The following GRIA1 variants were observed in gnomAD, a reference collection of about 807,000 sequenced individuals.
The protein encoded by GRIA1 is glutamate ionotropic receptor AMPA type subunit 1, also known as glutamate receptor 1.
Under a neutral mutation model 99.2 loss-of-function variants are expected in GRIA1, and 31 were observed. That is an observed-to-expected ratio of 0.31 (90% confidence interval 0.23 to 0.42). The LOEUF (loss-of-function observed/expected upper bound fraction) is 0.42. GRIA1 is among the 10% of genes least tolerant of loss of function. GRIA1 has a pLI of 1.00. For missense variants in GRIA1, 782 were observed against 1,157.5 expected, an observed-to-expected ratio of 0.68 and a Z score of 4.71; for synonymous variants, 438 against 432.4, an observed-to-expected ratio of 1.01 and a Z score of -0.16.
At chr5:153,733,182 A>T (rs146371668) in intron 11 of GRIA1, among the ~76,000 whole-genome samples, 2 of 152,114 alleles carry the variant, frequency 1.3e-5, no homozygotes, top group African/African-American at 4.8e-5. Context: ...AAACATAGGA[A>T]TTGTGACATC....
At chr5:153,766,858 G>T (rs11749611) in intron 12 of GRIA1, among the ~76,000 whole-genome samples, 2 of 151,990 alleles carry the variant, frequency 1.3e-5, no homozygotes, top group Non-Finnish European at 2.9e-5. Context: ...CACTACGTCA[G>T]TTGACATATT....
chr5:153,648,948 G>T (rs1391923669), intron 3 of GRIA1, among the ~76,000 whole-genome samples: 10 of 152,016 alleles, frequency 6.6e-5, no homozygotes, highest in Non-Finnish European at 1.5e-4. Flanking sequence ...CTAAACTATT[G>T]ACCTTTAATA....
At chr5:153,622,950 G>A (rs539416655) in intron 2 of GRIA1, among the ~76,000 whole-genome samples, 2 of 152,310 alleles carry the variant, frequency 1.3e-5, no homozygotes, top group Admixed American at 1.3e-4. Context: ...CTCAAAGGAA[G>A]AAATGTATAA....
At chr5:153,779,071 G>A (rs1764467315) in intron 13 of GRIA1, among the ~76,000 whole-genome samples, 1 of 152,082 alleles carries the variant, frequency 6.6e-6, no homozygotes. Context: ...TAAACCAACT[G>A]TGCCATAAGT....
intron 5 of GRIA1, among the ~76,000 whole-genome samples, chr5:153,661,715 T>G (rs999405401): frequency 6.6e-6 from 1 of 152,246 alleles, no homozygotes; most frequent in African/African-American, 2.4e-5. Context: ...AAATAATGTC[T>G]GCACCTACAT....
Position 153,650,420 on chromosome 5 carries a change from G to A in GRIA1, c.551G>A (p.Gly184Glu), listed in dbSNP as rs867292089. ...AVNILTTTEE[G>E]YRMLFQDLEK... ...AACATTTTGACAACCACAGAGGAGG[G>A]ATACCGGATGCTCTTTCAGGACCTG... Residue 184 changes from glycine to glutamate, a missense_variant, in exon 4 of 16, where the codon GGA (glycine) becomes GAA (glutamate). Gly to Glu is a moderately conservative substitution (Grantham distance 98). Transcript: ENST00000285900. The A allele has an allele frequency of 6.2e-7, 1 of 1,613,898 alleles. No homozygotes were observed. The highest frequency in any genetic ancestry group is 8.5e-7 in the Non-Finnish European group (1 of 1,179,942).
Position 153,655,812 on chromosome 5 carries a change from T to C in GRIA1, c.646-7T>C. On this transcript the variant is annotated splice_region_variant and splice_polypyrimidine_tract_variant and intron_variant, in intron 4 of 15. Transcript: ENST00000285900. The stretch of plus-strand genomic sequence containing the variant: ...ATTAATGAGTCTCCACCTATTATGT[T>C]TTGTAGATTATAAAGCTAGAGAAGA... 6.2e-7 allele frequency: 1 copy of C among 1,612,150 alleles called. No homozygotes were observed. The highest frequency in any genetic ancestry group is 8.5e-7 in the Non-Finnish European group (1 of 1,178,580).
chr5:153,705,546 TA>T, intron 10 of GRIA1, 150 bp from the exon 11 acceptor site: 1 of 889,766 alleles, frequency 1.1e-6, no homozygotes, highest in African/African-American at 1.7e-5. Context: ...TTTTATAGAG[TA>T]GGAGGGGTTG....
intron 2 of GRIA1, among the ~76,000 whole-genome samples, chr5:153,563,134 C>T (rs965905447): frequency 1.1e-4 from 17 of 151,618 alleles, no homozygotes; most frequent in African/African-American, 4.1e-4. Flanking sequence ...CAAGACTGTG[C>T]CACTGCACCC....
chr5:153,615,201 C>T (rs1417052148), intron 2 of GRIA1, among the ~76,000 whole-genome samples: 4 of 152,146 alleles, frequency 2.6e-5, no homozygotes, highest in African/African-American at 9.7e-5. Context: ...AAATGAACAT[C>T]AACAAATCCA....
At chr5:153,713,187 G>T (rs1281801731) in intron 11 of GRIA1, among the ~76,000 whole-genome samples, 1 of 152,222 alleles carries the variant, frequency 6.6e-6, no homozygotes, top group East Asian at 1.9e-4. Flanking sequence ...TGGCACAGGA[G>T]TGTTGACTGT....
intron 7 of GRIA1, among the ~76,000 whole-genome samples, chr5:153,682,787 G>A (rs1047000554): frequency 1.3e-5 from 2 of 152,138 alleles, no homozygotes; most frequent in African/African-American, 4.8e-5. Flanking sequence ...CTATTGCTAC[G>A]ATTCTGAATA....
In GRIA1 at chr5:153,573,838, G is replaced by A. The variant is rs1396378922; in HGVS notation, c.221-73090G>A. Among the ~76,000 whole-genome samples, 3 of 152,288 alleles carry A rather than the reference G, an allele frequency of 2.0e-5. No individual in the cohort carries two copies. The East Asian group carries it at 5.8e-4, about 29-fold the overall frequency. On this transcript the variant is annotated intron_variant, in intron 2 of 15. Coordinates refer to ENST00000285900, the MANE Select transcript of GRIA1 (RefSeq NM_000827.4). Reference sequence around the variant, plus strand: ...TGGCTGCATGCCAAATGCTCGTGAGGCCTGGCACGGAATTAGCAAGACTAA... The same window carrying A: ...TGGCTGCATGCCAAATGCTCGTGAGACCTGGCACGGAATTAGCAAGACTAA...
At chr5:153,597,123 C>CT (rs1764503010) in intron 2 of GRIA1, among the ~76,000 whole-genome samples, 1 of 152,210 alleles carries the variant, frequency 6.6e-6, no homozygotes. Context: ...CTGCGGGAGA[C>CT]TGACGGTTTT....
At chr5:153,504,367 CTATA>C (rs1755295035) in intron 2 of GRIA1, among the ~76,000 whole-genome samples, 1 of 150,958 alleles carries the variant, frequency 6.6e-6, no homozygotes, top group Non-Finnish European at 1.5e-5. Flanking sequence ...TATACACTAT[CTATA>C]TATAGATGTA....
Position 153,494,364 on chromosome 5 carries a change from TGA to T in GRIA1, c.220+305_220+306del, listed in dbSNP as rs1300031178. ...CCTTGCAGAGGTTTTCTGGCACAGC[TGA>T]GAGAGTTTTACACATACGAATCTTC... On this transcript the variant is annotated intron_variant, in intron 2 of 15. Transcript: ENST00000285900. 1.2e-5 allele frequency: 4 copies of T among 339,788 alleles called. No individual in the cohort carries two copies. The East Asian group carries it at 1.7e-4, about 14-fold the overall frequency. The allele number at this position is 339,788 out of a possible 1,614,324, so 21.0% of individuals were successfully genotyped here. A position where few individuals can be genotyped will look rare whatever the true frequency, so the allele number is the denominator to read the frequency against.
intron 11 of GRIA1, among the ~76,000 whole-genome samples, chr5:153,740,908 T>C (rs1011972147): frequency 1.3e-5 from 2 of 150,204 alleles, no homozygotes; most frequent in East Asian, 2.0e-4. Flanking sequence ...ATACGTAACC[T>C]GAGCAAGAAA....
intron 2 of GRIA1, among the ~76,000 whole-genome samples, chr5:153,625,165 C>G (rs1767475899): frequency 6.6e-6 from 1 of 152,126 alleles, no homozygotes; most frequent in South Asian, 2.1e-4. Flanking sequence ...GTGTCCCATC[C>G]TGCTCTTTCT....
chr5:153,496,155 T>C (rs1208267644), intron 2 of GRIA1, among the ~76,000 whole-genome samples: 2 of 152,256 alleles, frequency 1.3e-5, no homozygotes, highest in African/African-American at 4.8e-5. Flanking sequence ...GTGGTGCTTC[T>C]GTCTTGTTAT....
Sources: allele counts gnomAD v4.1 joint callset (sites outside exome capture counted in the v4.1 genomes callset), GRCh38; gene constraint gnomAD v4.1.1; transcripts MANE v1.5; gene names NCBI Gene and HGNC (gene_info 2026-07-23, HGNC 2026-07-21).